FAM81A: variants seen among roughly 807,000 people sequenced by gnomAD.
FAM81A encodes the protein protein FAM81A.
A neutral mutation model predicts 46.7 loss-of-function variants in FAM81A; 19 were observed. The observed-to-expected ratio is 0.41, with a 90% CI of 0.28 to 0.60. The LOEUF (loss-of-function observed/expected upper bound fraction) is 0.60, where lower values mean the gene tolerates loss of function less well. FAM81A is among the 20% of genes least tolerant of loss of function. The probability of loss-of-function intolerance (pLI) is 0.34; values close to 1 mark genes in which losing one functional copy is unlikely to be tolerated. For synonymous variants in FAM81A, 183 were observed against 152.9 expected, an observed-to-expected ratio of 1.20 and a Z score of -1.45; for missense variants, 377 against 453.5, an observed-to-expected ratio of 0.83 and a Z score of 1.53.
chr15:59,445,377 G>A (rs1331637491), intron 1 of FAM81A: 3 of 152,078 alleles, frequency 2.0e-5, no homozygotes, highest in African/African-American at 7.2e-5. Context: ...TGTTGAACCG[G>A]GAAGATGTTA....
At chr15:59,502,587 C>T (rs1007588713) in intron 4 of FAM81A, among the ~76,000 whole-genome samples, 1 of 151,766 alleles carries the variant, frequency 6.6e-6, no homozygotes, top group Non-Finnish European at 1.5e-5. Flanking sequence ...GATCTCGGCT[C>T]ACTGCAATCT....
At chr15:59,453,868 C>T (rs1284801049) in intron 1 of FAM81A, among the ~76,000 whole-genome samples, 1 of 152,142 alleles carries the variant, frequency 6.6e-6, no homozygotes, top group African/African-American at 2.4e-5. Flanking sequence ...TCCTGCTACT[C>T]CAGCCAGATC....
At chr15:59,509,051 TTTTA>T in intron 6 of FAM81A, 82 bp downstream of exon 6, 1 of 1,055,234 alleles carries the variant, frequency 9.5e-7, no homozygotes, top group Non-Finnish European at 1.4e-6. Flanking sequence ...TCCTCTTGGT[TTTTA>T]TTTATTGCAC....
chr15:59,401,357 G>A, intron 1 of FAM81A: 2 of 788,066 alleles, frequency 2.5e-6, no homozygotes, highest in South Asian at 1.3e-5. Flanking sequence ...AGTACCTTTG[G>A]TAATAACACC....
At chr15:59,473,085 C>T (rs550985813) in intron 3 of FAM81A, among the ~76,000 whole-genome samples, 24 of 152,252 alleles carry the variant, frequency 1.6e-4, no homozygotes, top group Admixed American at 1.2e-3. Flanking sequence ...AATCTAACGA[C>T]AGGTAAAATC....
intron 4 of FAM81A, among the ~76,000 whole-genome samples, chr15:59,504,213 C>G (rs1251603562): frequency 2.0e-5 from 3 of 151,998 alleles, no homozygotes; most frequent in African/African-American, 7.3e-5. Flanking sequence ...AAATTATGAA[C>G]TCAAAATAAA....
At chr15:59,402,965 C>A (rs554649581) in intron 2 of FAM81A, among the ~76,000 whole-genome samples, 25 of 152,250 alleles carry the variant, frequency 1.6e-4, no homozygotes, top group African/African-American at 5.3e-4. Flanking sequence ...GTTGTTACTA[C>A]AGTGAACTGA....
chr15:59,516,018 C>A (rs1469126760), intron 7 of FAM81A, among the ~76,000 whole-genome samples: 1 of 152,060 alleles, frequency 6.6e-6, no homozygotes, highest in Non-Finnish European at 1.5e-5. Flanking sequence ...TGGCTGAATT[C>A]CAGAAAGGGA....
At chr15:59,416,507 T>G (rs1450190060) in intron 2 of FAM81A, among the ~76,000 whole-genome samples, 1 of 152,324 alleles carries the variant, frequency 6.6e-6, no homozygotes, top group East Asian at 1.9e-4. Context: ...ATGCGTCATT[T>G]GAGGTGTCAA....
At chr15:59,444,104 T>A (rs2081329549) in intron 1 of FAM81A, 1 of 152,282 alleles carries the variant, frequency 6.6e-6, no homozygotes, top group Admixed American at 6.5e-5. Context: ...GGTGGCTTGC[T>A]AGTGTTATTT....
chr15:59,411,741 C>A (rs2141539423), intron 2 of FAM81A, among the ~76,000 whole-genome samples: 1 of 152,178 alleles, frequency 6.6e-6, no homozygotes, highest in African/African-American at 2.4e-5. Flanking sequence ...CATGGTGAAA[C>A]CCCATCTCTA....
At chr15:59,503,088 T>C (rs563609739) in intron 4 of FAM81A, among the ~76,000 whole-genome samples, 33 of 151,788 alleles carry the variant, frequency 2.2e-4, no homozygotes, top group African/African-American at 7.2e-4. Flanking sequence ...CTAAAAATAC[T>C]AAAATTAGCT....
chr15:59,428,853 A>G (rs189209275), intron 2 of FAM81A, among the ~76,000 whole-genome samples: 2 of 151,638 alleles, frequency 1.3e-5, no homozygotes, highest in Admixed American at 1.3e-4. Flanking sequence ...CTGATCTCGA[A>G]CTCCTGAGCA....
intron 3 of FAM81A, among the ~76,000 whole-genome samples, chr15:59,466,069 T>C (rs1486691389): frequency 6.6e-6 from 1 of 152,280 alleles, no homozygotes; most frequent in African/African-American, 2.4e-5. Flanking sequence ...TAGTATTTCA[T>C]GGTGTATATG....
At chr15:59,456,454 G>A (rs947643673) in intron 1 of FAM81A, among the ~76,000 whole-genome samples, 5 of 152,250 alleles carry the variant, frequency 3.3e-5, no homozygotes, top group African/African-American at 1.2e-4. Context: ...CCCTATTTTG[G>A]GAAAGCCTAC....
intron 3 of FAM81A, among the ~76,000 whole-genome samples, chr15:59,473,007 A>C (rs1409676709): frequency 2.6e-5 from 4 of 152,204 alleles, no homozygotes; most frequent in Non-Finnish European, 4.4e-5. Flanking sequence ...GAAGAACCCC[A>C]ACTCGAACAT....
At chr15:59,416,501 G>A (rs1380068389) in intron 2 of FAM81A, among the ~76,000 whole-genome samples, 1 of 152,184 alleles carries the variant, frequency 6.6e-6, no homozygotes, top group Non-Finnish European at 1.5e-5. Flanking sequence ...CGTGAGATGC[G>A]TCATTTGAGG....
upstream of FAM81A, among the ~76,000 whole-genome samples, chr15:59,433,279 T>C (rs1596468296): frequency 1.8e-5 from 2 of 111,258 alleles, no homozygotes; most frequent in East Asian, 4.2e-4. Context: ...ACAAACTCTT[T>C]GTAGAAAGAC....
chr15:59,418,533 G>A (rs1200513460), intron 2 of FAM81A, among the ~76,000 whole-genome samples: 5 of 152,154 alleles, frequency 3.3e-5, no homozygotes, highest in Non-Finnish European at 7.3e-5. Context: ...GCTCGATCCA[G>A]GTTATGAAGG....
Sources: gnomAD v4.1 joint callset for allele counts (sites outside exome capture counted in the v4.1 genomes callset) on GRCh38, gnomAD v4.1.1 for gene constraint, MANE v1.5 for transcripts, NCBI Gene and HGNC (gene_info 2026-07-23, HGNC 2026-07-21) for gene names.